ARID3B: variants seen among roughly 807,000 people sequenced by gnomAD.
The protein encoded by ARID3B is AT-rich interaction domain 3B, also known as AT-rich interactive domain-containing protein 3B.
ARID3B carries 10 observed loss-of-function variants against 51.9 expected under a neutral mutation model. That is an observed-to-expected ratio of 0.19 (90% confidence interval 0.12 to 0.33). ARID3B has a LOEUF of 0.33. ARID3B is among the 10% of genes least tolerant of loss of function. ARID3B has a pLI of 1.00. For missense variants in ARID3B, 483 were observed against 716.3 expected, an observed-to-expected ratio of 0.67 and a Z score of 3.72; for synonymous variants, 205 against 279.5, an observed-to-expected ratio of 0.73 and a Z score of 2.66.
At chr15:74,546,765 A>G (rs2415242) in intron 2 of ARID3B, among the ~76,000 whole-genome samples, 37,877 of 152,106 alleles carry the variant, frequency 0.25, 6,333 homozygotes, top group East Asian at 0.55. Context: ...TCCCTCACCC[A>G]AAATTTACCT....
intron 2 of ARID3B, among the ~76,000 whole-genome samples, chr15:74,569,739 T>G (rs2061712596): frequency 1.3e-5 from 2 of 152,160 alleles, no homozygotes; most frequent in South Asian, 4.1e-4. Flanking sequence ...TGAATCTGCC[T>G]GGTGGGCAGA....
chr15:74,542,454 T>G (rs563392966), intron 1 of ARID3B, among the ~76,000 whole-genome samples: 1 of 152,314 alleles, frequency 6.6e-6, no homozygotes, highest in African/African-American at 2.4e-5. Flanking sequence ...CAAACAGGGC[T>G]ATAAGATAAA....
intron 2 of ARID3B, among the ~76,000 whole-genome samples, chr15:74,552,832 C>G (rs1434715820): frequency 6.6e-6 from 1 of 152,172 alleles, no homozygotes; most frequent in Non-Finnish European, 1.5e-5. Flanking sequence ...ATCCATTCAC[C>G]TCCTGAAGGA....
intron 4 of ARID3B, among the ~76,000 whole-genome samples, chr15:74,586,978 AG>A (rs1468772018): frequency 4.6e-5 from 7 of 152,118 alleles, no homozygotes; most frequent in Non-Finnish European, 2.9e-5. Context: ...GGCACAAAAG[AG>A]CGTGTTTTGG....
intron 4 of ARID3B, among the ~76,000 whole-genome samples, chr15:74,582,891 A>G (rs2061766950): frequency 6.6e-6 from 1 of 152,196 alleles, no homozygotes; most frequent in South Asian, 2.1e-4. Flanking sequence ...AACACTACAC[A>G]GCCGTAGAAA....
chr15:74,581,982 C>T (rs558627361), intron 4 of ARID3B, among the ~76,000 whole-genome samples: 265 of 152,300 alleles, frequency 1.7e-3, no homozygotes, highest in Non-Finnish European at 2.6e-3. Flanking sequence ...ATTGGAAACT[C>T]AGACAGCCGT....
At chr15:74,556,629 C>T in intron 2 of ARID3B, among the ~76,000 whole-genome samples, 1 of 152,120 alleles carries the variant, frequency 6.6e-6, no homozygotes, top group Admixed American at 6.6e-5. Flanking sequence ...TTTGTTTTAA[C>T]CCGTCCCCAA....
intron 2 of ARID3B, among the ~76,000 whole-genome samples, chr15:74,565,066 A>G (rs1318890474): frequency 6.6e-6 from 1 of 151,360 alleles, no homozygotes; most frequent in Non-Finnish European, 1.5e-5. Context: ...TTTTTTTGAA[A>G]TAGGGTCTTG....
chr15:74,593,143 A>G lies in ARID3B; in HGVS notation c.1426A>G (p.Arg476Gly), dbSNP rs746727860. 5.6e-6 allele frequency: 9 copies of G among 1,612,788 alleles called. No individual in the cohort carries two copies. The highest frequency in any genetic ancestry group is 5.1e-6 in the Non-Finnish European group (6 of 1,179,846). Residue 476 changes from arginine (R) to glycine (G), a missense_variant, in exon 8 of 9, where the codon AGA becomes GGA. Arg to Gly is a moderately radical substitution (Grantham distance 125). Coordinates refer to ENST00000346246, the MANE Select transcript of ARID3B (RefSeq NM_006465.4). The stretch of plus-strand genomic sequence containing the variant: ...TGTCTCCCTGTCCCCAGCAGAAGAC[A>G]GAGCAGAGGCCTCGGCTGCAGCACT... ...MKIRINGREDRAEASAAALNL... is the reference protein window; with the variant it reads ...MKIRINGREDGAEASAAALNL...
chr15:74,581,146 C>T (rs2061760537), intron 4 of ARID3B, among the ~76,000 whole-genome samples: 1 of 152,242 alleles, frequency 6.6e-6, no homozygotes, highest in Non-Finnish European at 1.5e-5. Flanking sequence ...CAAGTTTTGT[C>T]AAGCCCTCAC....
chr15:74,565,332 G>A (rs1379450852), intron 2 of ARID3B, among the ~76,000 whole-genome samples: 1 of 152,170 alleles, frequency 6.6e-6, no homozygotes, highest in Non-Finnish European at 1.5e-5. Flanking sequence ...GATTACAGGT[G>A]TGAGCCACCG....
At chr15:74,594,826 C>A (rs1300859359) in intron 8 of ARID3B, among the ~76,000 whole-genome samples, 1 of 152,150 alleles carries the variant, frequency 6.6e-6, no homozygotes, top group East Asian at 1.9e-4. Context: ...CACAGGAGGC[C>A]CCTGGAGGAG....
intron 2 of ARID3B, among the ~76,000 whole-genome samples, chr15:74,562,899 C>T (rs372326831): frequency 7.6e-4 from 115 of 152,244 alleles, no homozygotes; most frequent in African/African-American, 2.6e-3. Context: ...TTATGTTTAG[C>T]TCTTGGGCCT....
chr15:74,546,250 G>GC (rs1411211472), intron 2 of ARID3B, among the ~76,000 whole-genome samples: 1 of 152,248 alleles, frequency 6.6e-6, no homozygotes, highest in African/African-American at 2.4e-5. Flanking sequence ...GTTGCCGGCT[G>GC]CCCCCGCACT....
chr15:74,591,660 G>T lies in ARID3B; in HGVS notation c.1266G>T (p.Glu422Asp), dbSNP rs1192027594. ...QQAGTRTAAL[E>D]QLRERLESGE... ...CTGGTACTCGGACCGCCGCACTGGA[G>T]CAGCTGCGGGAGCGGCTGGAGTCAG... Residue 422 changes from glutamate (E) to aspartate (D), a missense_variant, in exon 7 of 9, where the codon GAG becomes GAT. By Grantham distance (45) the Glu-to-Asp change is conservative. Around this residue, in one of 3 missense-constraint regions of ARID3B, gnomAD observed 265 missense variants for 354.4 expected, o/e 0.75. Transcript: ENST00000346246. This position sits in a 1 kb window ranked among gnomAD's most constrained non-coding sequence, Gnocchi z 5.8. 6.2e-7 allele frequency: 1 copy of T among 1,608,208 alleles called. No homozygotes were observed. The highest frequency in any genetic ancestry group is 8.5e-7 in the Non-Finnish European group (1 of 1,177,376).
rs146562072 is a variant in ARID3B at position 74,586,592 on chromosome 15, G to A, written c.698-3228G>A. ...TGAACCACACTAGAAAATCTCAGCC[G>A]GGTGCGTGGCTCACGCCTGTCATCC... On this transcript the variant is annotated intron_variant, in intron 4 of 8. Coordinates refer to ENST00000346246, the MANE Select transcript of ARID3B (RefSeq NM_006465.4). Among the ~76,000 whole-genome samples, 22 of 152,338 alleles carry A rather than the reference G, an allele frequency of 1.4e-4. No individual in the cohort carries two copies. In the East Asian group the frequency reaches 1.7e-3, roughly 12 times the overall value.
At chr15:74,542,849 G>T (rs1437768107) in intron 1 of ARID3B, among the ~76,000 whole-genome samples, 1 of 152,170 alleles carries the variant, frequency 6.6e-6, no homozygotes, top group Non-Finnish European at 1.5e-5. Context: ...GGGGAGAGGT[G>T]GGGGAGTAAA....
chr15:74,579,244 T>C (rs2061750131), intron 4 of ARID3B, among the ~76,000 whole-genome samples: 1 of 152,174 alleles, frequency 6.6e-6, no homozygotes, highest in East Asian at 1.9e-4. Context: ...GCACCTTGGT[T>C]TCTAGGCAAG....
At chr15:74,587,761 C>T (rs1057243759) in intron 4 of ARID3B, among the ~76,000 whole-genome samples, 1 of 152,130 alleles carries the variant, frequency 6.6e-6, no homozygotes, top group Non-Finnish European at 1.5e-5. Context: ...GTTTACTGTC[C>T]AGAACAGCAC....
Sources: allele counts gnomAD v4.1 joint callset (sites outside exome capture counted in the v4.1 genomes callset), GRCh38; gene constraint gnomAD v4.1.1; regional missense constraint gnomAD v4.1.1; non-coding constraint Gnocchi (gnomAD v3.1); transcripts MANE v1.5; gene names NCBI Gene and HGNC (gene_info 2026-07-23, HGNC 2026-07-21).